SLC9A2: variants seen among roughly 807,000 people sequenced by gnomAD.
SLC9A2 encodes the protein sodium/hydrogen exchanger 2.
SLC9A2 carries 42 observed loss-of-function variants against 71.7 expected under a neutral mutation model. That is an observed-to-expected ratio of 0.59 (90% confidence interval 0.46 to 0.76). The LOEUF (loss-of-function observed/expected upper bound fraction) is 0.76, where lower values mean the gene tolerates loss of function less well. Ranked by LOEUF, SLC9A2 falls within the 30% of genes least tolerant of loss-of-function variation. The pLI, the probability that SLC9A2 is intolerant of heterozygous loss-of-function variation, is 0.00. For synonymous variants in SLC9A2, 396 were observed against 392.5 expected, an observed-to-expected ratio of 1.01 and a Z score of -0.10; for missense variants, 829 against 1,017.4, an observed-to-expected ratio of 0.81 and a Z score of 2.52.
Position 102,657,865 on chromosome 2 carries a change from C to A in SLC9A2, c.591C>A (p.Phe197Leu), listed in dbSNP as rs139722927. The A allele has an allele frequency of 1.2e-6, 2 of 1,614,212 alleles. No individual in the cohort carries two copies. The highest frequency in any genetic ancestry group is 2.2e-5 in the East Asian group (1 of 44,880). ...TTGGTATCTGCCAGATCGAAGCATTCGGCCTCAGCGACATCACTTTGCTCC... is the reference window on the plus strand; with the variant it reads ...TTGGTATCTGCCAGATCGAAGCATTAGGCCTCAGCGACATCACTTTGCTCC... ...SLFGICQIEA[F>L]GLSDITLLQN... is the part of the protein sequence containing the mutation. Residue 197 changes from phenylalanine to leucine, a missense_variant, in exon 2 of 12, where the codon TTC (phenylalanine) becomes TTA (leucine). Phe to Leu is a conservative substitution (Grantham distance 22). Transcript: ENST00000233969.
intron 5 of SLC9A2, among the ~76,000 whole-genome samples, chr2:102,693,675 C>T (rs1573431869): frequency 1.3e-5 from 2 of 152,226 alleles, no homozygotes; most frequent in East Asian, 1.9e-4. Flanking sequence ...AGTGTCTCCT[C>T]TGCTCCAAGC....
rs773952288 is a variant in SLC9A2, at chr2:102,684,164, G to T, written c.1253G>T (p.Arg418Met). The change falls in exon 5 of 12, where the codon AGG (arginine) becomes ATG (methionine). Residue 418 changes from arginine (R) to methionine (M), a missense_variant. Arg to Met is a moderately conservative substitution (Grantham distance 91). Around this residue, in one of 3 missense-constraint regions of SLC9A2, gnomAD observed 500 missense variants for 726.3 expected, o/e 0.69. Transcript: ENST00000233969. ...GVFVLTQVIN[R>M]FRTIPLTFKD... ...TTTGTCCTGACTCAGGTCATTAATA[G>T]GTTCCGGACCATTCCCCTGACCTTT... is the stretch of plus-strand genomic sequence containing the variant. 1 of 1,614,108 alleles carries T rather than the reference G, an allele frequency of 6.2e-7. No individual in the cohort carries two copies. The highest frequency in any genetic ancestry group is 1.7e-4 in the Middle Eastern group (1 of 6,060).
intron 1 of SLC9A2, among the ~76,000 whole-genome samples, chr2:102,624,415 G>A (rs1456279237): frequency 6.6e-6 from 1 of 152,186 alleles, no homozygotes; most frequent in African/African-American, 2.4e-5. Flanking sequence ...GGAATAATGG[G>A]TAGCCAAAGA....
intron 11 of SLC9A2, 111 bp from the exon 12 acceptor site, chr2:102,708,008 C>A: frequency 8.4e-7 from 1 of 1,194,400 alleles, no homozygotes; most frequent in Non-Finnish European, 1.2e-6. Flanking sequence ...AGCCTCCCCT[C>A]TCCCCAGAGC....
In SLC9A2 at chr2:102,657,557, T is replaced by C. The variant is rs1337890608; in HGVS notation, c.290-7T>C. 1 of 1,575,350 alleles carries C rather than the reference T, an allele frequency of 6.3e-7. No individual in the cohort carries two copies. Among genetic ancestry groups the C allele is most frequent in the East Asian group, 2.2e-5 (1 of 44,558 alleles). Reference sequence around the variant, plus strand: ...CAAGTTGTGTGTTTTTATTTTTTCCTTACCAGGCTTCCATCTGTATCACAA... The same window carrying C: ...CAAGTTGTGTGTTTTTATTTTTTCCCTACCAGGCTTCCATCTGTATCACAA... On this transcript the variant is annotated splice_region_variant and splice_polypyrimidine_tract_variant and intron_variant, in intron 1 of 11. Coordinates refer to ENST00000233969, the MANE Select transcript of SLC9A2 (RefSeq NM_003048.6).
chr2:102,655,681 A>T (rs567357325), intron 1 of SLC9A2, among the ~76,000 whole-genome samples: 2 of 152,196 alleles, frequency 1.3e-5, no homozygotes, highest in African/African-American at 4.8e-5. Flanking sequence ...GTGGTACATG[A>T]CTGTATTATC....
chr2:102,697,962 A>G (rs1677798754), intron 7 of SLC9A2, among the ~76,000 whole-genome samples: 1 of 151,976 alleles, frequency 6.6e-6, no homozygotes, highest in Admixed American at 6.6e-5. Flanking sequence ...ATGATGGTGA[A>G]ATAGAATGCC....
At chr2:102,672,024 G>C (rs1014487228) in intron 3 of SLC9A2, among the ~76,000 whole-genome samples, 1 of 152,106 alleles carries the variant, frequency 6.6e-6, no homozygotes, top group African/African-American at 2.4e-5. Context: ...TAGGAGAATT[G>C]CTTGAACCCG....
intron 2 of SLC9A2, among the ~76,000 whole-genome samples, chr2:102,664,191 G>C (rs1004824256): frequency 6.6e-6 from 1 of 151,476 alleles, no homozygotes; most frequent in Non-Finnish European, 1.5e-5. Flanking sequence ...CAGGAGAATG[G>C]CTTGAACCCG....
intron 5 of SLC9A2, among the ~76,000 whole-genome samples, chr2:102,693,798 C>A (rs1237496017): frequency 1.3e-5 from 2 of 152,192 alleles, no homozygotes; most frequent in African/African-American, 4.8e-5. Context: ...GAACCCAGGT[C>A]CTTAACTATT....
chr2:102,673,146 A>G (rs1677287084), intron 3 of SLC9A2, among the ~76,000 whole-genome samples: 1 of 152,118 alleles, frequency 6.6e-6, no homozygotes, highest in African/African-American at 2.4e-5. Context: ...CCTGTGTCTT[A>G]GTGTCTTCTG....
At position 102,710,916 on chromosome 2, in the gene SLC9A2, T is replaced by A. The variant is rs574712360; in HGVS notation, c.*2427T>A. 4.6e-5 allele frequency: 7 copies of A among 152,438 alleles called. No individual in the cohort carries two copies. In the South Asian group the frequency reaches 1.5e-3, roughly 32 times the overall value. The allele number at this position is 152,438 out of a possible 1,614,324, so 9.4% of individuals were successfully genotyped here. On this transcript the variant is annotated 3_prime_UTR_variant, in exon 12 of 12. Transcript: ENST00000233969. ...AACAAAATTTGATTTGAACTACCTATAAATGAAAAGTCGGGGTTTATTACT... is the reference window on the plus strand; with the variant it reads ...AACAAAATTTGATTTGAACTACCTAAAAATGAAAAGTCGGGGTTTATTACT...
At chr2:102,683,049 G>A (rs890448069) in intron 3 of SLC9A2, among the ~76,000 whole-genome samples, 5 of 152,148 alleles carry the variant, frequency 3.3e-5, no homozygotes, top group African/African-American at 1.2e-4. Flanking sequence ...GGCAGAGCCG[G>A]GTAGTTCAGC....
At chr2:102,654,666 T>A (rs1379622432) in intron 1 of SLC9A2, among the ~76,000 whole-genome samples, 1 of 152,220 alleles carries the variant, frequency 6.6e-6, no homozygotes, top group East Asian at 1.9e-4. Context: ...TAGTCATTTA[T>A]CACTTAACAA....
intron 2 of SLC9A2, among the ~76,000 whole-genome samples, chr2:102,659,927 C>T (rs34471111): frequency 0.011 from 1,725 of 152,278 alleles, 10 homozygotes; most frequent in Middle Eastern, 0.034. Context: ...AATAAAAGCT[C>T]CTGTTGCAGT....
In SLC9A2 at chr2:102,706,091, G is replaced by A. The variant is rs200618757; in HGVS notation, c.2068+155G>A. Among the ~76,000 whole-genome samples, 3 of 60,382 alleles carry A rather than the reference G, an allele frequency of 5.0e-5. 1 individual carries two copies. The highest frequency in any genetic ancestry group is 1.7e-4 in the African/African-American group (3 of 17,350). 39.6% of individuals were successfully genotyped at this position (60,382 alleles called of 152,430 possible). A position where few individuals can be genotyped will look rare whatever the true frequency, so the allele number is the denominator to read the frequency against. On this transcript the variant is annotated intron_variant, in intron 11 of 11. Transcript: ENST00000233969. ...TCCCAGCACTTTGGGAGGCCGAGGC[G>A]GGTGGATCACGAGGTCAGGAGATCG...
chr2:102,682,214 G>A (rs755537820), intron 3 of SLC9A2, among the ~76,000 whole-genome samples: 10 of 152,134 alleles, frequency 6.6e-5, no homozygotes, highest in Non-Finnish European at 1.0e-4. Flanking sequence ...CATAGTAACC[G>A]TGTCTCCTTA....
At chr2:102,673,800 T>A (rs1276335215) in intron 3 of SLC9A2, among the ~76,000 whole-genome samples, 4 of 151,950 alleles carry the variant, frequency 2.6e-5, no homozygotes, top group African/African-American at 9.7e-5. Context: ...TTTTTTTTTT[T>A]TTTTGAGACC....
At chr2:102,656,315 A>G (rs79224547) in intron 1 of SLC9A2, among the ~76,000 whole-genome samples, 3,616 of 152,274 alleles carry the variant, frequency 0.024, 146 homozygotes, top group African/African-American at 0.082. Flanking sequence ...TAAGAGATGG[A>G]TATTTCCCAC....
Sources: gnomAD v4.1 joint callset for allele counts (sites outside exome capture counted in the v4.1 genomes callset) on GRCh38, gnomAD v4.1.1 for gene constraint, gnomAD v4.1.1 regional missense constraint, MANE v1.5 for transcripts, NCBI Gene and HGNC (gene_info 2026-07-23, HGNC 2026-07-21) for gene names.